Variants in SLAMF8 observed in about 807,000 individuals in gnomAD.
The protein encoded by SLAMF8 is SLAM family member 8, also known as B lymphocyte activator macrophage expressed.
Under a neutral mutation model 29.0 loss-of-function variants are expected in SLAMF8, and 23 were observed. The observed-to-expected ratio is 0.79, with a 90% confidence interval of 0.57 to 1.13. SLAMF8 has a LOEUF of 1.13. Ranked by LOEUF, SLAMF8 falls within the 50% of genes most tolerant of loss-of-function variation. The pLI is 0.00. For synonymous variants in SLAMF8, 139 were observed against 145.6 expected, an observed-to-expected ratio of 0.96 and a Z score of 0.32; for missense variants, 381 against 353.1, an observed-to-expected ratio of 1.08 and a Z score of -0.63.
chr1:159,836,877 G>T lies in SLAMF8; in HGVS notation c.*1617G>T. The T allele has an allele frequency of 1.0e-6, 1 of 985,258 alleles. No individual in the cohort carries two copies. Among genetic ancestry groups the T allele is most frequent in the Non-Finnish European group, 1.2e-6 (1 of 829,926 alleles). 61.0% of individuals were successfully genotyped at this position (985,258 alleles called of 1,614,324 possible). On this transcript the variant is annotated 3_prime_UTR_variant, in exon 5 of 5. Transcript: ENST00000289707. ...CCTTCCCCCAAGATTACCTGAACAGGGTCCATGGCCACTCAACCTGTCAGC... is the reference window on the plus strand; with the variant it reads ...CCTTCCCCCAAGATTACCTGAACAGTGTCCATGGCCACTCAACCTGTCAGC...
At position 159,837,140 on chromosome 1, in the gene SLAMF8, C is replaced by T. The variant is rs1557894745; in HGVS notation, c.*1880C>T. On this transcript the variant is annotated 3_prime_UTR_variant, in exon 5 of 5. Coordinates refer to ENST00000289707, the MANE Select transcript of SLAMF8 (RefSeq NM_020125.3). ...TGAGATGGGACCTGCAGCTCTCCCT[C>T]CACAAGGTGACTCTTAGCAACCTCA... 1.0e-6 allele frequency: 1 copy of T among 985,490 alleles called. No homozygotes were observed. The highest frequency in any genetic ancestry group is 5.2e-4 in the Middle Eastern group (1 of 1,914). 61.0% of individuals were successfully genotyped at this position (985,490 alleles called of 1,614,324 possible). A position where few individuals can be genotyped will look rare whatever the true frequency, so the allele number is the denominator to read the frequency against.
chr1:159,828,275 G>A (rs1276763181), intron 1 of SLAMF8, among the ~76,000 whole-genome samples: 2 of 151,664 alleles, frequency 1.3e-5, no homozygotes, highest in African/African-American at 4.9e-5. Flanking sequence ...GGCAGCACCA[G>A]GAGGAGCAGG....
At chr1:159,827,139 AGGTG>A (rs1187103698) in intron 1 of SLAMF8, among the ~76,000 whole-genome samples, 1 of 152,056 alleles carries the variant, frequency 6.6e-6, no homozygotes, top group African/African-American at 2.4e-5. Context: ...GGGAGGGAGG[AGGTG>A]GCAGCTTGAG....
At chr1:159,828,608 G>A (rs1647241005) in intron 1 of SLAMF8, among the ~76,000 whole-genome samples, 1 of 152,178 alleles carries the variant, frequency 6.6e-6, no homozygotes, top group Admixed American at 6.5e-5. Context: ...AACAGTGGTG[G>A]GCACTGGAAG....
rs375344348 is a variant in SLAMF8, at chr1:159,832,982, C to T, written c.474C>T (p.Ser158=). 2.9e-5 allele frequency: 47 copies of T among 1,614,082 alleles called. 1 individual carries two copies. Among genetic ancestry groups the T allele is most frequent in the African/African-American group, 1.7e-4 (13 of 74,922 alleles). The change falls in exon 3 of 5, where the codon AGC becomes AGT. Residue 158 remains serine, a synonymous_variant. Coordinates refer to ENST00000289707, the MANE Select transcript of SLAMF8 (RefSeq NM_020125.3). ...TGTCCTGTTGGGCCCCCAACATCAG[C>T]GAAATAACCTATAGCTGGCGACGGG... ...VFLSCWAPNI[S]EITYSWRRET...
At position 159,836,386 on chromosome 1, in the gene SLAMF8, C is replaced by T; in HGVS notation, c.*1126C>T. 1.0e-6 allele frequency: 1 copy of T among 985,400 alleles called. No individual in the cohort carries two copies. Among genetic ancestry groups the T allele is most frequent in the Non-Finnish European group, 1.2e-6 (1 of 829,946 alleles). 61.0% of individuals were successfully genotyped at this position (985,400 alleles called of 1,614,324 possible). Reference sequence around the variant, plus strand: ...CCATCTTAGGAAAATACATTCTGCCCCTGAATGATTCTGTCTAGAAAAGCT... The same window carrying T: ...CCATCTTAGGAAAATACATTCTGCCTCTGAATGATTCTGTCTAGAAAAGCT... On this transcript the variant is annotated 3_prime_UTR_variant, in exon 5 of 5. Coordinates refer to ENST00000289707, the MANE Select transcript of SLAMF8 (RefSeq NM_020125.3).
Position 159,835,339 on chromosome 1 carries a change from C to T in SLAMF8, c.*79C>T. 1 of 1,535,350 alleles carries T rather than the reference C, an allele frequency of 6.5e-7. No individual in the cohort carries two copies. The highest frequency in any genetic ancestry group is 8.7e-7 in the Non-Finnish European group (1 of 1,145,046). ...CGATGCTCTGGGACATAACTGGTGC[C>T]TGGAAATCACCATGGTCCTCATATC... On this transcript the variant is annotated 3_prime_UTR_variant, in exon 5 of 5. Transcript: ENST00000289707.
Position 159,832,906 on chromosome 1 carries a change from T to C in SLAMF8, c.398T>C (p.Phe133Ser), listed in dbSNP as rs1295228534. ...DAVPRPVVQV[F>S]IAVERDAQPS... Reference sequence around the variant, plus strand: ...GTGCCCAGGCCCGTGGTACAAGTGTTCATTGCTGTAGAAAGGGATGCTCAG... The same window carrying C: ...GTGCCCAGGCCCGTGGTACAAGTGTCCATTGCTGTAGAAAGGGATGCTCAG... Residue 133 changes from phenylalanine to serine, a missense_variant, in exon 3 of 5, where the codon TTC (phenylalanine) becomes TCC (serine). Coordinates refer to ENST00000289707, the MANE Select transcript of SLAMF8 (RefSeq NM_020125.3). 2 of 1,614,176 alleles carry C rather than the reference T, an allele frequency of 1.2e-6. No homozygotes were observed. Among genetic ancestry groups the C allele is most frequent in the Non-Finnish European group, 8.5e-7 (1 of 1,180,018 alleles).
intron 2 of SLAMF8, among the ~76,000 whole-genome samples, chr1:159,831,363 CCGATG>C (rs1647476627): frequency 6.6e-6 from 1 of 151,862 alleles, no homozygotes; most frequent in Non-Finnish European, 1.5e-5. Context: ...ACTCAGGGTG[CCGATG>C]CAATTGCAAG....
Position 159,832,917 on chromosome 1 carries a change from G to A in SLAMF8, c.409G>A (p.Glu137Lys). ...RPVVQVFIAV[E>K]RDAQPSKTCQ... ...CGTGGTACAAGTGTTCATTGCTGTA[G>A]AAAGGGATGCTCAGCCCTCCAAGAC... Residue 137 changes from glutamate (E) to lysine (K), a missense_variant, in exon 3 of 5, where the codon GAA becomes AAA. Transcript: ENST00000289707. 1 of 1,614,216 alleles carries A rather than the reference G, an allele frequency of 6.2e-7. No homozygotes were observed. Among genetic ancestry groups the A allele is most frequent in the South Asian group, 1.1e-5 (1 of 91,090 alleles).
At chr1:159,830,486 T>C (rs1647417696) in intron 2 of SLAMF8, among the ~76,000 whole-genome samples, 1 of 152,174 alleles carries the variant, frequency 6.6e-6, no homozygotes, top group Non-Finnish European at 1.5e-5. Flanking sequence ...CTTTCTCCTT[T>C]GTAAATGGGC....
chr1:159,830,685 A>AG (rs1647428403), intron 2 of SLAMF8, among the ~76,000 whole-genome samples: 1 of 152,216 alleles, frequency 6.6e-6, no homozygotes, highest in South Asian at 2.1e-4. Context: ...AGGAAAAAAA[A>AG]TGATGTACCA....
intron 1 of SLAMF8, among the ~76,000 whole-genome samples, chr1:159,828,115 T>C (rs193078095): frequency 4.5e-4 from 68 of 152,352 alleles, no homozygotes; most frequent in African/African-American, 1.4e-3. Context: ...ATTACAGGCA[T>C]GAGCCACCAC....
rs747764455 is a variant in SLAMF8 at position 159,829,856 on chromosome 1, G to A, written c.41-10G>A. 4.4e-6 allele frequency: 7 copies of A among 1,591,696 alleles called. No individual in the cohort carries two copies. Among genetic ancestry groups the A allele is most frequent in the South Asian group, 3.4e-5 (3 of 87,864 alleles). Reference sequence around the variant, plus strand: ...GGCAGGCAGAGTGACCAGGGGCTCTGTTCTTTCAGCCCTACTTCCCATTAC... The same window carrying A: ...GGCAGGCAGAGTGACCAGGGGCTCTATTCTTTCAGCCCTACTTCCCATTAC... On this transcript the variant is annotated splice_polypyrimidine_tract_variant and intron_variant, in intron 1 of 4. Coordinates refer to ENST00000289707, the MANE Select transcript of SLAMF8 (RefSeq NM_020125.3).
chr1:159,830,291 A>G lies in SLAMF8; in HGVS notation c.367+99A>G, dbSNP rs1333364601. 21 of 1,306,440 alleles carry G rather than the reference A, an allele frequency of 1.6e-5. No individual in the cohort carries two copies. In the East Asian group the frequency reaches 5.3e-4, roughly 33 times the overall value. 80.9% of individuals were successfully genotyped at this position (1,306,440 alleles called of 1,614,324 possible). A position where few individuals can be genotyped will look rare whatever the true frequency, so the allele number is the denominator to read the frequency against. ...AGCCAGGGAGAGCTGGGTTCCAGAA[A>G]GCTCTGGTCTCTGACCATGTTGCCG... On this transcript the variant is annotated intron_variant, in intron 2 of 4. Coordinates refer to ENST00000289707, the MANE Select transcript of SLAMF8 (RefSeq NM_020125.3).
In SLAMF8 at chr1:159,835,424, G is replaced by A; in HGVS notation, c.*164G>A. 1 of 1,398,826 alleles carries A rather than the reference G, an allele frequency of 7.1e-7. No individual in the cohort carries two copies. The highest frequency in any genetic ancestry group is 9.3e-7 in the Non-Finnish European group (1 of 1,077,882). 86.7% of individuals were successfully genotyped at this position (1,398,826 alleles called of 1,614,324 possible). A position where few individuals can be genotyped will look rare whatever the true frequency, so the allele number is the denominator to read the frequency against. On this transcript the variant is annotated 3_prime_UTR_variant, in exon 5 of 5. Coordinates refer to ENST00000289707, the MANE Select transcript of SLAMF8 (RefSeq NM_020125.3). Reference sequence around the variant, plus strand: ...GCCTGGGCAGCCATCACACCACGAGGACAGGAAGCACCAGCACGTTTCACA... The same window carrying A: ...GCCTGGGCAGCCATCACACCACGAGAACAGGAAGCACCAGCACGTTTCACA...
intron 1 of SLAMF8, among the ~76,000 whole-genome samples, chr1:159,827,644 T>C (rs1269312146): frequency 1.3e-5 from 2 of 152,080 alleles, no homozygotes; most frequent in Non-Finnish European, 2.9e-5. Flanking sequence ...GCAGCAAAGA[T>C]TAAGATGATA....
rs1272876756 is a variant in SLAMF8 at position 159,836,650 on chromosome 1, A to G, written c.*1390A>G. 5 of 985,190 alleles carry G rather than the reference A, an allele frequency of 5.1e-6. No individual in the cohort carries two copies. Among genetic ancestry groups the G allele is most frequent in the African/African-American group, 3.5e-5 (2 of 57,170 alleles). The allele number at this position is 985,190 out of a possible 1,614,324, so 61.0% of individuals were successfully genotyped here. ...CCTAGGATGTCAGCCCTGTCCAAGG[A>G]CCTTCCCTCTTCTCCCCAGTTCCTG... On this transcript the variant is annotated 3_prime_UTR_variant, in exon 5 of 5. Coordinates refer to ENST00000289707, the MANE Select transcript of SLAMF8 (RefSeq NM_020125.3).
rs868712155 is a variant in SLAMF8, at chr1:159,832,936, C to T, written c.428C>T (p.Ser143Phe). 3 of 1,614,232 alleles carry T rather than the reference C, an allele frequency of 1.9e-6. No individual in the cohort carries two copies. The African/African-American group carries it at 4.0e-5, about 22-fold the overall frequency. ...GCTGTAGAAAGGGATGCTCAGCCCT[C>T]CAAGACCTGCCAGGTTTTCTTGTCC... The part of the protein sequence containing the change: ...FIAVERDAQP[S>F]KTCQVFLSCW... The change falls in exon 3 of 5, where the codon TCC (serine) becomes TTC (phenylalanine). Residue 143 changes from serine (S) to phenylalanine (F), a missense_variant. By Grantham distance (155) the Ser-to-Phe change is radical. Coordinates refer to ENST00000289707, the MANE Select transcript of SLAMF8 (RefSeq NM_020125.3).
Sources: gnomAD v4.1 joint callset for allele counts (sites outside exome capture counted in the v4.1 genomes callset) on GRCh38, gnomAD v4.1.1 for gene constraint, MANE v1.5 for transcripts, NCBI Gene and HGNC (gene_info 2026-07-23, HGNC 2026-07-21) for gene names.